Variants in RYR3 observed in about 807,000 individuals in gnomAD.
The protein encoded by RYR3 is brain ryanodine receptor-calcium release channel.
A neutral mutation model predicts 584.3 loss-of-function variants in RYR3; 207 were observed. The ratio of observed to expected loss-of-function variants is 0.35; its 90% confidence interval spans 0.32 to 0.40. The LOEUF (loss-of-function observed/expected upper bound fraction) is 0.40, where lower values mean the gene tolerates loss of function less well. Among genes scored for constraint, RYR3 ranks in the 10% least tolerant of loss-of-function variants. The pLI is 1.00. For missense variants in RYR3, 5,616 were observed against 6,089.2 expected (o/e 0.92, Z 2.59); for synonymous variants, 2,416 against 2,248.5 (o/e 1.07, Z -2.11).
At chr15:33,664,589 G>GTATGTATATATATATATATATATATA (rs1555399465) in intron 36 of RYR3, among the ~76,000 whole-genome samples, 7 of 91,378 alleles carry the variant, frequency 7.7e-5, no homozygotes, top group African/African-American at 2.6e-4. Flanking sequence ...GTGTGTGTGT[G>GTATGTATATATATATATATATATATA]TATATATATA....
rs115455918 is a variant in RYR3 at position 33,633,681 on chromosome 15, G to A, written c.3027+573G>A. Among the ~76,000 whole-genome samples the A allele has an allele frequency of 4.7e-3, 713 of 152,312 alleles. 6 individuals carry two copies. Among genetic ancestry groups the A allele is most frequent in the African/African-American group, 0.015 (621 of 41,570 alleles). On this transcript the variant is annotated intron_variant, in intron 24 of 103. Coordinates refer to ENST00000634891, the MANE Select transcript of RYR3 (RefSeq NM_001036.6). Reference sequence around the variant, plus strand: ...AACACAACTGTGCAAACTATGGGGGGAGGAGGAGCAGCGGAGTAAAGAGGT... The same window carrying A: ...AACACAACTGTGCAAACTATGGGGGAAGGAGGAGCAGCGGAGTAAAGAGGT...
At chr15:33,685,799 C>T (rs574999236) in intron 38 of RYR3, among the ~76,000 whole-genome samples, 71 of 152,288 alleles carry the variant, frequency 4.7e-4, no homozygotes, top group Admixed American at 3.7e-3. Flanking sequence ...CACTCAAAAC[C>T]GCACAACTAC....
chr15:33,845,848 A>G (rs1192789159), intron 93 of RYR3, among the ~76,000 whole-genome samples: 2 of 152,258 alleles, frequency 1.3e-5, no homozygotes, highest in African/African-American at 2.4e-5. Context: ...CCATTGCTGC[A>G]TAACAAACCA....
At chr15:33,721,113 G>C (rs1184760836) in intron 43 of RYR3, among the ~76,000 whole-genome samples, 1 of 152,212 alleles carries the variant, frequency 6.6e-6, no homozygotes, top group Admixed American at 6.5e-5. Flanking sequence ...AGGCAGCTTG[G>C]CTTCCGCTTT....
chr15:33,621,960 C>T (rs901934396), intron 19 of RYR3, among the ~76,000 whole-genome samples: 7 of 152,068 alleles, frequency 4.6e-5, no homozygotes, highest in African/African-American at 1.4e-4. Flanking sequence ...AACTTTTCTC[C>T]GTTTACCTCA....
chr15:33,594,752 CT>C (rs2059292171), intron 16 of RYR3, among the ~76,000 whole-genome samples: 1 of 152,056 alleles, frequency 6.6e-6, no homozygotes, highest in African/African-American at 2.4e-5. Flanking sequence ...AACAAGACAG[CT>C]TTTTGTGGAT....
chr15:33,843,793 CTTAT>C (rs2078534136), intron 92 of RYR3, among the ~76,000 whole-genome samples: 1 of 152,164 alleles, frequency 6.6e-6, no homozygotes, highest in Non-Finnish European at 1.5e-5. Flanking sequence ...ATAGTTCATG[CTTAT>C]TTTAGTCGTT....
chr15:33,452,647 A>G (rs1300532789), intron 1 of RYR3, among the ~76,000 whole-genome samples: 2 of 152,134 alleles, frequency 1.3e-5, no homozygotes, highest in East Asian at 3.9e-4. Flanking sequence ...TCCTCAAACA[A>G]TGTGTGAATA....
intron 1 of RYR3, among the ~76,000 whole-genome samples, chr15:33,335,649 A>C (rs1448648055): frequency 6.6e-6 from 1 of 152,034 alleles, no homozygotes; most frequent in East Asian, 1.9e-4. Flanking sequence ...CACATGTTAC[A>C]TATGTACCAA....
In RYR3 at chr15:33,379,666, C is replaced by CCTCTCTCT. The variant is rs72425368; in HGVS notation, c.51+68585_51+68592dup. On this transcript the variant is annotated intron_variant, in intron 1 of 103. Coordinates refer to ENST00000634891, the MANE Select transcript of RYR3 (RefSeq NM_001036.6). The stretch of plus-strand genomic sequence containing the variant: ...GTATGTGTGTGTGTGTGTGTGTGTC[C>CCTCTCTCT]CTCTCTCTCTCTCTCTCTCTCTATA... Among the ~76,000 whole-genome samples the CCTCTCTCT allele has an allele frequency of 3.5e-3, 449 of 129,314 alleles. 7 individuals are homozygous for CCTCTCTCT. Among genetic ancestry groups the CCTCTCTCT allele is most frequent in the Middle Eastern group, 7.9e-3 (2 of 252 alleles). 84.8% of individuals were successfully genotyped at this position (129,314 alleles called of 152,430 possible).
chr15:33,357,041 A>G (rs1267997570), intron 1 of RYR3, among the ~76,000 whole-genome samples: 1 of 151,920 alleles, frequency 6.6e-6, no homozygotes, highest in East Asian at 1.9e-4. Context: ...CCCATCCTTC[A>G]CTTGTCTATC....
rs538157734 is a variant in RYR3 at position 33,833,807 on chromosome 15, T to C, written c.11464-1161T>C. Among the ~76,000 whole-genome samples the C allele has an allele frequency of 2.0e-5, 3 of 152,362 alleles. 1 individual carries two copies. In the South Asian group the frequency reaches 6.2e-4, roughly 32 times the overall value. On this transcript the variant is annotated intron_variant, in intron 86 of 103. Transcript: ENST00000634891. ...TTACGTGATTTGGGAATGCAGGCAG[T>C]ATTTCTCCTCACCTTTTAAACCTTG... is the stretch of plus-strand genomic sequence containing the variant.
chr15:33,428,130 G>T (rs2044801556), intron 1 of RYR3, among the ~76,000 whole-genome samples: 1 of 152,150 alleles, frequency 6.6e-6, no homozygotes, highest in African/African-American at 2.4e-5. Context: ...GTAGTAGAAG[G>T]CCACCCCAAT....
At position 33,699,845 on chromosome 15, in the gene RYR3, T is replaced by G; in HGVS notation, c.6379+12T>G. 5 of 1,605,058 alleles carry G rather than the reference T, an allele frequency of 3.1e-6. No individual in the cohort carries two copies. The highest frequency in any genetic ancestry group is 4.3e-6 in the Non-Finnish European group (5 of 1,173,256). ...CAGTGTTGGCCTAGGTGCGTAAGTCTTCTTGTAACTTCCACATCCAAACTC... is the reference window on the plus strand; with the variant it reads ...CAGTGTTGGCCTAGGTGCGTAAGTCGTCTTGTAACTTCCACATCCAAACTC... On this transcript the variant is annotated intron_variant, in intron 41 of 103. Coordinates refer to ENST00000634891, the MANE Select transcript of RYR3 (RefSeq NM_001036.6).
intron 69 of RYR3, 55 bp downstream of exon 69, chr15:33,802,016 C>G: frequency 9.5e-7 from 1 of 1,053,748 alleles, no homozygotes; most frequent in Admixed American, 1.7e-5. Flanking sequence ...TCAGCCATGA[C>G]TTGGATCTGT....
chr15:33,771,595 T>C (rs2073580195), intron 62 of RYR3, among the ~76,000 whole-genome samples: 1 of 152,188 alleles, frequency 6.6e-6, no homozygotes, highest in Admixed American at 6.5e-5. Flanking sequence ...TTCTTTTAAC[T>C]AGATCTTTAC....
chr15:33,740,646 T>C (rs1415672199), intron 51 of RYR3, among the ~76,000 whole-genome samples: 2 of 152,232 alleles, frequency 1.3e-5, no homozygotes, highest in African/African-American at 4.8e-5. Flanking sequence ...TGCCCAGTTA[T>C]GAATATGCGC....
In RYR3 at chr15:33,571,771, T is replaced by C. The variant is rs964551583; in HGVS notation, c.1268+4972T>C. Among the ~76,000 whole-genome samples, 34 of 152,310 alleles carry C rather than the reference T, an allele frequency of 2.2e-4. 1 individual carries two copies. Among genetic ancestry groups the C allele is most frequent in the African/African-American group, 7.9e-4 (33 of 41,596 alleles). On this transcript the variant is annotated intron_variant, in intron 12 of 103. Transcript: ENST00000634891. ...TGACAATCTCTCCCTTTCATTGGTA[T>C]GCTTCATCCATTTATATCTAATGTA...
intron 94 of RYR3, 29 bp from the exon 95 acceptor site, chr15:33,853,016 G>T (rs376260400): frequency 4.4e-6 from 7 of 1,591,008 alleles, no homozygotes; most frequent in Middle Eastern, 1.7e-4. Flanking sequence ...TAAGAATGAA[G>T]AACCAACCTT....
Sources: gnomAD v4.1 joint callset for allele counts (sites outside exome capture counted in the v4.1 genomes callset) on GRCh38, gnomAD v4.1.1 for gene constraint, MANE v1.5 for transcripts, NCBI Gene and HGNC (gene_info 2026-07-23, HGNC 2026-07-21) for gene names.